Variants in ERMP1 observed in about 807,000 individuals in gnomAD.
The protein encoded by ERMP1 is endoplasmic reticulum metallopeptidase 1.
Under a neutral mutation model 92.0 loss-of-function variants are expected in ERMP1, and 86 were observed. The ratio of observed to expected loss-of-function variants is 0.93; its 90% CI spans 0.79 to 1.12. ERMP1 has a LOEUF of 1.12. ERMP1 is among the 50% of genes most tolerant of loss of function. ERMP1 has a pLI of 0.00. For missense variants in ERMP1, 1,342 were observed against 1,116.3 expected (o/e 1.20, Z -2.88); for synonymous variants, 530 against 412.8 (o/e 1.28, Z -3.44).
At chr9:5,838,359 T>C (rs1377378162) in intron 6 of ERMP1, among the ~76,000 whole-genome samples, 2 of 151,796 alleles carry the variant, frequency 1.3e-5, no homozygotes, top group Admixed American at 6.6e-5. Context: ...CTGGGCAACA[T>C]AGCAAGACCC....
At chr9:5,826,797 T>C (rs969944218) in intron 2 of ERMP1, among the ~76,000 whole-genome samples, 1 of 152,168 alleles carries the variant, frequency 6.6e-6, no homozygotes, top group Non-Finnish European at 1.5e-5. Context: ...GAGCAAACAA[T>C]AAAATGTTTC....
chr9:5,831,898 G>C (rs924925929), intron 1 of ERMP1, among the ~76,000 whole-genome samples: 1 of 152,120 alleles, frequency 6.6e-6, no homozygotes. Context: ...GGGAAAGCTG[G>C]AAGTGGGGGT....
intron 5 of ERMP1, 55 bp downstream of exon 5, chr9:5,812,834 A>T: frequency 6.3e-7 from 1 of 1,599,172 alleles, no homozygotes; most frequent in East Asian, 2.2e-5. Context: ...AAGATTTAAA[A>T]TTTGCTTTTG....
rs1216063943 is a variant in ERMP1 at position 5,812,923 on chromosome 9, G to A, written c.987C>T (p.Asp329=). The stretch of plus-strand genomic sequence containing the variant: ...TCCCAAAATCCCTGTAGATACGAAA[G>A]TCAGTATCTGAAGGAATGATTCCAC... ...FQSGIIPSDT[D]FRIYRDFGNI... Residue 329 remains aspartate, a synonymous_variant, in exon 5 of 15, where the codon GAC becomes GAT. Coordinates refer to ENST00000339450, the MANE Select transcript of ERMP1 (RefSeq NM_024896.3). 3 of 1,613,860 alleles carry A rather than the reference G, an allele frequency of 1.9e-6. No homozygotes were observed. Among genetic ancestry groups the A allele is most frequent in the East Asian group, 4.5e-5 (2 of 44,882 alleles).
chr9:5,806,503 C>A (rs1481403950), intron 8 of ERMP1, among the ~76,000 whole-genome samples: 1 of 151,718 alleles, frequency 6.6e-6, no homozygotes, highest in Non-Finnish European at 1.5e-5. Context: ...TCTCGGCCCA[C>A]TGCAGTCTCA....
Position 5,801,342 on chromosome 9 carries a change from C to A in ERMP1, c.1915-14G>T, listed in dbSNP as rs912200277. On this transcript the variant is annotated splice_polypyrimidine_tract_variant and intron_variant, in intron 10 of 14. Coordinates refer to ENST00000339450, the MANE Select transcript of ERMP1 (RefSeq NM_024896.3). Reference sequence around the variant, plus strand: ...GATGAAGTTAATCTGAAACACAAACCACAAACACAGAAATATTACAAATTC... The same window carrying A: ...GATGAAGTTAATCTGAAACACAAACAACAAACACAGAAATATTACAAATTC... 6.2e-6 allele frequency: 10 copies of A among 1,600,904 alleles called. No homozygotes were observed. In the African/African-American group the frequency reaches 1.3e-4, roughly 22 times the overall value.
intron 10 of ERMP1, among the ~76,000 whole-genome samples, chr9:5,802,508 C>T (rs967867721): frequency 2.6e-5 from 4 of 152,154 alleles, no homozygotes; most frequent in African/African-American, 9.7e-5. Flanking sequence ...CCTCAGCCTC[C>T]TGAGTAGCTG....
intron 10 of ERMP1, among the ~76,000 whole-genome samples, chr9:5,802,257 C>A (rs765771952): frequency 6.6e-6 from 1 of 152,292 alleles, no homozygotes; most frequent in Middle Eastern, 3.4e-3. Context: ...TACTGTTTTG[C>A]TGCAGATGCC....
intron 4 of ERMP1, among the ~76,000 whole-genome samples, chr9:5,820,128 G>T (rs572132941): frequency 2.0e-5 from 3 of 152,128 alleles, no homozygotes; most frequent in African/African-American, 7.2e-5. Flanking sequence ...GTGAAACCCC[G>T]TCTCCACTAA....
chr9:5,865,201 A>G (rs929868686), intron 5 of ERMP1, among the ~76,000 whole-genome samples: 2 of 152,210 alleles, frequency 1.3e-5, no homozygotes, highest in African/African-American at 4.8e-5. Flanking sequence ...ATTATGCCCA[A>G]TCATACTTTA....
intron 8 of ERMP1, among the ~76,000 whole-genome samples, chr9:5,806,928 C>T (rs915745942): frequency 7.9e-5 from 12 of 152,144 alleles, no homozygotes; most frequent in Non-Finnish European, 1.5e-5. Context: ...CATGTAACAA[C>T]CCCTCCCCGC....
chr9:5,808,369 G>A (rs1482596232), intron 8 of ERMP1, among the ~76,000 whole-genome samples: 1 of 152,180 alleles, frequency 6.6e-6, no homozygotes, highest in Admixed American at 6.5e-5. Context: ...GTGAAATTGA[G>A]CCCCACGGTA....
At chr9:5,840,385 AT>A (rs1297959782) in intron 6 of ERMP1, among the ~76,000 whole-genome samples, 2 of 152,172 alleles carry the variant, frequency 1.3e-5, no homozygotes, top group Non-Finnish European at 2.9e-5. Flanking sequence ...AAAATGGTAA[AT>A]CATGCCATAG....
In ERMP1 at chr9:5,833,079, G is replaced by A. The variant is rs780035725; in HGVS notation, c.-52C>T. The A allele has an allele frequency of 8.8e-5, 122 of 1,382,518 alleles. No homozygotes were observed. Among genetic ancestry groups the A allele is most frequent in the Admixed American group, 3.1e-4 (9 of 28,702 alleles). The allele number at this position is 1,382,518 out of a possible 1,614,324, so 85.6% of individuals were successfully genotyped here. A position where few individuals can be genotyped will look rare whatever the true frequency, so the allele number is the denominator to read the frequency against. On this transcript the variant is annotated 5_prime_UTR_variant, in exon 1 of 15. Coordinates refer to ENST00000339450, the MANE Select transcript of ERMP1 (RefSeq NM_024896.3). ...ACCGCCCCAACCCGCGACAGCCCCG[G>A]CCGCCGCCGACGCCGCCGTCGCTGC...
chr9:5,856,005 TC>T, intron 6 of ERMP1: 1 of 322,820 alleles, frequency 3.1e-6, no homozygotes, highest in South Asian at 3.4e-5. Context: ...ATGTCATCAA[TC>T]CCATGTACAC....
chr9:5,835,294 G>A (rs993390859), upstream of ERMP1, among the ~76,000 whole-genome samples: 3 of 151,836 alleles, frequency 2.0e-5, no homozygotes, highest in Non-Finnish European at 2.9e-5. Context: ...AAACAGAGAA[G>A]AACAAATCAA....
upstream of ERMP1, among the ~76,000 whole-genome samples, chr9:5,836,104 G>C (rs1377473623): frequency 6.6e-6 from 1 of 152,212 alleles, no homozygotes; most frequent in Non-Finnish European, 1.5e-5. Context: ...GACAGACATA[G>C]AGATGTCCCA....
At chr9:5,826,404 A>G (rs1319434855) in intron 2 of ERMP1, among the ~76,000 whole-genome samples, 1 of 152,208 alleles carries the variant, frequency 6.6e-6, no homozygotes, top group African/African-American at 2.4e-5. Flanking sequence ...TGGTTGAAAG[A>G]GCAAGCTAAT....
chr9:5,829,961 TA>T (rs1229054519), intron 2 of ERMP1, among the ~76,000 whole-genome samples: 1 of 152,244 alleles, frequency 6.6e-6, no homozygotes, highest in African/African-American at 2.4e-5. Context: ...TTGACAAATA[TA>T]TACTGCATCA....
Sources: gnomAD v4.1 joint callset for allele counts (sites outside exome capture counted in the v4.1 genomes callset) on GRCh38, gnomAD v4.1.1 for gene constraint, MANE v1.5 for transcripts, NCBI Gene and HGNC (gene_info 2026-07-23, HGNC 2026-07-21) for gene names.